MARCHF1: variants seen among roughly 807,000 people sequenced by gnomAD.
The protein encoded by MARCHF1 is E3 ubiquitin-protein ligase MARCHF1.
A neutral mutation model predicts 54.2 loss-of-function variants in MARCHF1; 40 were observed. That is an observed-to-expected ratio of 0.74 (90% CI 0.57 to 0.96). The LOEUF (loss-of-function observed/expected upper bound fraction) is 0.96, where lower values mean the gene tolerates loss of function less well. Among genes scored for constraint, MARCHF1 ranks in the 40% least tolerant of loss-of-function variants. The probability of loss-of-function intolerance (pLI) is 0.00; values close to 1 mark genes in which losing one functional copy is unlikely to be tolerated. For synonymous variants in MARCHF1, 236 were observed against 236.3 expected (o/e 1.00, Z 0.01); for missense variants, 586 against 656.5 (o/e 0.89, Z 1.17).
rs574711404 is a variant in MARCHF1 at position 164,031,946 on chromosome 4, C to T, written c.-247-43237G>A. On this transcript the variant is annotated intron_variant, in intron 2 of 9. Transcript: ENST00000514618. ...TGTACCTCTGGTAGAATTTGACTTG[C>T]GAATCCACCTGGTCTTGGGTTGTTT... Among the ~76,000 whole-genome samples the T allele has an allele frequency of 1.8e-4, 28 of 152,148 alleles. 1 individual carries two copies. The South Asian group carries it at 3.5e-3, about 19-fold the overall frequency.
In MARCHF1 at chr4:164,080,278, C is replaced by A. The variant is rs552745425; in HGVS notation, c.-248+31310G>T. ...CTACAGTCTTATGGCTGACTGCTGG[C>A]GAGACCAGCAGAAGCAGCATCTAAG... On this transcript the variant is annotated intron_variant, in intron 2 of 9. Coordinates refer to ENST00000514618, the MANE Select transcript of MARCHF1 (RefSeq NM_001394959.1). 2.6e-5 allele frequency among the ~76,000 whole-genome samples: 4 copies of A among 152,106 alleles called. No individual in the cohort carries two copies. In the East Asian group the frequency reaches 5.8e-4, roughly 22 times the overall value.
At chr4:163,544,384 T>G (rs1738822956) in intron 9 of MARCHF1, among the ~76,000 whole-genome samples, 1 of 152,194 alleles carries the variant, frequency 6.6e-6, no homozygotes, top group South Asian at 2.1e-4. Flanking sequence ...TTCTAGCATT[T>G]AGACTCGACA....
chr4:163,977,069 A>G lies in MARCHF1; in HGVS notation c.-39+11432T>C, dbSNP rs533775871. 3.9e-5 allele frequency among the ~76,000 whole-genome samples: 6 copies of G among 152,190 alleles called. No homozygotes were observed. In the South Asian group the frequency reaches 6.2e-4, roughly 16 times the overall value. ...AGTTGTGAGTTATGATGAAAAGTAT[A>G]TAAAACAGTGCTAAGTCAACACATA... is the stretch of plus-strand genomic sequence containing the variant. On this transcript the variant is annotated intron_variant, in intron 3 of 9. Transcript: ENST00000514618.
chr4:163,883,218 GAT>G (rs138861680), intron 3 of MARCHF1, among the ~76,000 whole-genome samples: 1,559 of 145,618 alleles, frequency 0.011, 12 homozygotes, highest in East Asian at 0.02. Flanking sequence ...AACTATTTGA[GAT>G]ATATATATAT....
chr4:164,154,569 C>T (rs1240885933), intron 1 of MARCHF1, among the ~76,000 whole-genome samples: 2 of 152,180 alleles, frequency 1.3e-5, no homozygotes, highest in African/African-American at 2.4e-5. Flanking sequence ...TCAGCCACCA[C>T]AAGCTCAAAC....
chr4:163,731,170 A>G (rs1250030601), intron 4 of MARCHF1, among the ~76,000 whole-genome samples: 1 of 152,230 alleles, frequency 6.6e-6, no homozygotes, highest in African/African-American at 2.4e-5. Flanking sequence ...TACATATCCA[A>G]TTAATTCTCT....
intron 2 of MARCHF1, among the ~76,000 whole-genome samples, chr4:163,997,464 G>T (rs545564309): frequency 6.6e-6 from 1 of 152,032 alleles, no homozygotes; most frequent in East Asian, 1.9e-4. Flanking sequence ...GGCTACTCTC[G>T]TAGTACCAAA....
At chr4:163,607,039 T>C (rs1238354779) in intron 7 of MARCHF1, among the ~76,000 whole-genome samples, 1 of 152,084 alleles carries the variant, frequency 6.6e-6, no homozygotes, top group Non-Finnish European at 1.5e-5. Context: ...CTCTTCTATA[T>C]ATAGGAAGTT....
intron 2 of MARCHF1, among the ~76,000 whole-genome samples, chr4:164,015,683 C>T (rs144562393): frequency 1.2e-3 from 175 of 151,818 alleles, no homozygotes; most frequent in African/African-American, 4.1e-3. Context: ...AAAGAAGACA[C>T]ACAAATGGCC....
intron 8 of MARCHF1, among the ~76,000 whole-genome samples, chr4:163,554,580 AC>A (rs1236150216): frequency 6.6e-6 from 1 of 152,122 alleles, no homozygotes; most frequent in Non-Finnish European, 1.5e-5. Context: ...TGGGTCAGAG[AC>A]CCCTGTCTGG....
intron 3 of MARCHF1, among the ~76,000 whole-genome samples, chr4:163,914,820 T>G (rs1560817531): frequency 6.6e-6 from 1 of 152,180 alleles, no homozygotes; most frequent in Non-Finnish European, 1.5e-5. Context: ...TAGGTTTCTA[T>G]TACATATTTT....
At chr4:163,819,976 C>T (rs369205171) in intron 4 of MARCHF1, among the ~76,000 whole-genome samples, 1 of 152,068 alleles carries the variant, frequency 6.6e-6, no homozygotes, top group South Asian at 2.1e-4. Context: ...CAAGTTTGTG[C>T]AATCAACATA....
intron 1 of MARCHF1, among the ~76,000 whole-genome samples, chr4:164,164,033 A>T (rs1185242543): frequency 6.6e-6 from 1 of 152,004 alleles, no homozygotes; most frequent in Non-Finnish European, 1.5e-5. Context: ...TTCAACTAAA[A>T]GAAAATGAAA....
At chr4:163,955,657 G>T (rs935103027) in intron 3 of MARCHF1, among the ~76,000 whole-genome samples, 1 of 151,966 alleles carries the variant, frequency 6.6e-6, no homozygotes, top group Non-Finnish European at 1.5e-5. Flanking sequence ...CAGAATCTGG[G>T]GCTTTCCTTT....
chr4:163,827,952 T>C (rs1157361854), intron 4 of MARCHF1, among the ~76,000 whole-genome samples: 4 of 151,470 alleles, frequency 2.6e-5, no homozygotes, highest in African/African-American at 7.3e-5. Flanking sequence ...TGCACGCTGA[T>C]TCAGTTGATT....
chr4:164,376,636 C>T (rs896710304), intron 1 of MARCHF1, among the ~76,000 whole-genome samples: 3 of 152,128 alleles, frequency 2.0e-5, no homozygotes, highest in Non-Finnish European at 4.4e-5. Flanking sequence ...GAGTGCGTCT[C>T]GGAACTATCC....
In MARCHF1 at chr4:164,325,760, CAAGA is replaced by C. The variant is rs375627361; in HGVS notation, c.-323+58106_-323+58109del. On this transcript the variant is annotated intron_variant, in intron 1 of 9. Coordinates refer to ENST00000514618, the MANE Select transcript of MARCHF1 (RefSeq NM_001394959.1). Reference sequence around the variant, plus strand: ...TAAAAATAAAAAAGACCTCAGTGCTCAAGAAAGAAAACCTAAATTGTATAGAAAT... The same window carrying C: ...TAAAAATAAAAAAGACCTCAGTGCTCAAGAAAACCTAAATTGTATAGAAAT... Among the ~76,000 whole-genome samples the C allele has an allele frequency of 9.7e-4, 147 of 151,504 alleles. 1 individual carries two copies. Among genetic ancestry groups the C allele is most frequent in the Middle Eastern group, 3.4e-3 (1 of 294 alleles).
intron 1 of MARCHF1, among the ~76,000 whole-genome samples, chr4:164,322,375 A>T: frequency 6.6e-6 from 1 of 151,948 alleles, no homozygotes; most frequent in East Asian, 1.9e-4. Context: ...TATACCCAAC[A>T]GTGTGATTGC....
chr4:164,357,316 T>C (rs1387217436), intron 1 of MARCHF1, among the ~76,000 whole-genome samples: 1 of 152,076 alleles, frequency 6.6e-6, no homozygotes, highest in Non-Finnish European at 1.5e-5. Flanking sequence ...TTTCTTGGTT[T>C]GTGGCTCCTT....
Sources: gnomAD v4.1 joint callset for allele counts (sites outside exome capture counted in the v4.1 genomes callset) on GRCh38, gnomAD v4.1.1 for gene constraint, MANE v1.5 for transcripts, NCBI Gene and HGNC (gene_info 2026-07-23, HGNC 2026-07-21) for gene names.